The following VKORC1L1 variants were observed in gnomAD, a reference collection of about 807,000 sequenced individuals.
The protein encoded by VKORC1L1 is vitamin K epoxide reductase complex subunit 1L1.
Under a neutral mutation model 18.9 loss-of-function variants are expected in VKORC1L1, and 2 were observed. That is an observed-to-expected ratio of 0.11 (90% CI 0.04 to 0.33). VKORC1L1 has a LOEUF of 0.33. Ranked by LOEUF, VKORC1L1 falls within the 10% of genes least tolerant of loss-of-function variation. The pLI is 1.00. For missense variants in VKORC1L1, 123 were observed against 224.1 expected (o/e 0.55, Z 2.88); for synonymous variants, 96 against 100.0 (o/e 0.96, Z 0.24).
At chr7:65,895,500 TATATATATATATATATAC>T (rs1272758990) in intron 1 of VKORC1L1, among the ~76,000 whole-genome samples, 10 of 99,370 alleles carry the variant, frequency 1.0e-4, no homozygotes, top group African/African-American at 2.5e-4. Context: ...TATATATATA[TATATATATATATATATAC>T]ACACACACAC....
intron 1 of VKORC1L1, among the ~76,000 whole-genome samples, chr7:65,877,101 T>C (rs1016372088): frequency 6.6e-6 from 1 of 152,226 alleles, no homozygotes; most frequent in Non-Finnish European, 1.5e-5. Flanking sequence ...CGATGAAAAG[T>C]GATACATGTA....
chr7:65,892,586 T>A (rs1457473258), intron 1 of VKORC1L1, among the ~76,000 whole-genome samples: 2 of 152,244 alleles, frequency 1.3e-5, no homozygotes, highest in African/African-American at 4.8e-5. Flanking sequence ...GGTGTGAAGA[T>A]AATCTACATT....
chr7:65,927,449 A>G (rs1010298946), intron 1 of VKORC1L1, among the ~76,000 whole-genome samples: 2 of 152,194 alleles, frequency 1.3e-5, no homozygotes, highest in East Asian at 1.9e-4. Flanking sequence ...ATGTCAACCA[A>G]TAACCTCTTG....
chr7:65,876,316 A>G (rs1788826207), intron 1 of VKORC1L1, among the ~76,000 whole-genome samples: 1 of 152,176 alleles, frequency 6.6e-6, no homozygotes, highest in Non-Finnish European at 1.5e-5. Context: ...CAGCCTGGCC[A>G]ACATGCTGAA....
At chr7:65,880,706 G>T (rs1343203253) in intron 1 of VKORC1L1, among the ~76,000 whole-genome samples, 2 of 152,152 alleles carry the variant, frequency 1.3e-5, no homozygotes, top group African/African-American at 2.4e-5. Flanking sequence ...AACTTGAAAG[G>T]GTAGCAAACT....
intron 1 of VKORC1L1, among the ~76,000 whole-genome samples, chr7:65,901,663 TG>T (rs1231451735): frequency 6.6e-6 from 1 of 151,768 alleles, no homozygotes; most frequent in East Asian, 1.9e-4. Flanking sequence ...GAGGACAAGA[TG>T]GGGGTTGGCG....
rs146134975 is a variant in VKORC1L1, at chr7:65,944,627, C to A, written c.195-4044C>A. 1.6e-3 allele frequency among the ~76,000 whole-genome samples: 235 copies of A among 151,270 alleles called. 1 individual carries two copies. Among genetic ancestry groups the A allele is most frequent in the African/African-American group, 5.5e-3 (228 of 41,206 alleles). ...TATAATTTTTTTTTTTAAGAAAAAG[C>A]AATATTTGGCTGGCCACAGTAACTC... On this transcript the variant is annotated intron_variant, in intron 1 of 2. Coordinates refer to ENST00000360768, the MANE Select transcript of VKORC1L1 (RefSeq NM_173517.6).
At chr7:65,894,985 G>A (rs1394314547) in intron 1 of VKORC1L1, among the ~76,000 whole-genome samples, 1 of 152,164 alleles carries the variant, frequency 6.6e-6, no homozygotes, top group Non-Finnish European at 1.5e-5. Flanking sequence ...TTGAATAAAT[G>A]CTAAAACATA....
At chr7:65,936,374 G>A (rs973542118) in intron 1 of VKORC1L1, among the ~76,000 whole-genome samples, 2 of 152,102 alleles carry the variant, frequency 1.3e-5, no homozygotes, top group Non-Finnish European at 1.5e-5. Context: ...CATCGTCAGT[G>A]TATTTTGAAG....
chr7:65,942,513 CTT>C (rs1239778354), intron 1 of VKORC1L1, among the ~76,000 whole-genome samples: 2 of 141,794 alleles, frequency 1.4e-5, no homozygotes, highest in African/African-American at 5.1e-5. Context: ...AAAAAAAAGA[CTT>C]GTTGAATTTT....
intron 1 of VKORC1L1, among the ~76,000 whole-genome samples, chr7:65,905,056 T>A (rs1174385346): frequency 6.6e-6 from 1 of 152,196 alleles, no homozygotes; most frequent in East Asian, 1.9e-4. Context: ...TATATACACC[T>A]ACATACATAC....
intron 1 of VKORC1L1, among the ~76,000 whole-genome samples, chr7:65,947,108 C>G (rs1790132267): frequency 6.6e-6 from 1 of 151,954 alleles, no homozygotes; most frequent in Non-Finnish European, 1.5e-5. Context: ...TGCACTGTAG[C>G]CTGGGCAACA....
chr7:65,891,988 GGGTTC>G (rs1789117436), intron 1 of VKORC1L1, among the ~76,000 whole-genome samples: 1 of 152,028 alleles, frequency 6.6e-6, no homozygotes, highest in East Asian at 1.9e-4. Context: ...CTGTCTACAT[GGGTTC>G]AATTTTTTTT....
intron 1 of VKORC1L1, among the ~76,000 whole-genome samples, chr7:65,945,710 T>C (rs1790110141): frequency 6.6e-6 from 1 of 152,164 alleles, no homozygotes; most frequent in African/African-American, 2.4e-5. Context: ...ATCTCTGTAT[T>C]AGAAGGCTTT....
chr7:65,908,441 G>A (rs748237513), intron 1 of VKORC1L1, among the ~76,000 whole-genome samples: 2 of 152,024 alleles, frequency 1.3e-5, no homozygotes, highest in African/African-American at 2.4e-5. Flanking sequence ...ATTTATTCAA[G>A]ATTATTTATC....
intron 1 of VKORC1L1, among the ~76,000 whole-genome samples, chr7:65,900,365 A>G (rs1332951404): frequency 3.3e-5 from 5 of 151,580 alleles, no homozygotes; most frequent in Admixed American, 2.6e-4. Flanking sequence ...ACTGCACTCC[A>G]GCCTGGGTGA....
chr7:65,889,012 TTCTTAC>T (rs1789065577), intron 1 of VKORC1L1, among the ~76,000 whole-genome samples: 1 of 152,012 alleles, frequency 6.6e-6, no homozygotes, highest in African/African-American at 2.4e-5. Flanking sequence ...AGGGAGTGAC[TTCTTAC>T]TCTTGAGACG....
In VKORC1L1 at chr7:65,954,174, G is replaced by A; in HGVS notation, c.405G>A (p.Leu135=). The change falls in exon 3 of 3, where the codon CTG becomes CTA. Residue 135 remains leucine, a synonymous_variant. Coordinates refer to ENST00000360768, the MANE Select transcript of VKORC1L1 (RefSeq NM_173517.6). ...TGGCCTACATTCTGTACTTTGTGCT[G>A]AAGGAGTTCTGCATCATCTGCATCG... ...LYLAYILYFV[L]KEFCIICIVT... is the part of the protein sequence containing the mutation. 2 of 1,614,104 alleles carry A rather than the reference G, an allele frequency of 1.2e-6. No individual in the cohort carries two copies. The highest frequency in any genetic ancestry group is 8.5e-7 in the Non-Finnish European group (1 of 1,180,016).
rs1790333399 is a variant in VKORC1L1, at chr7:65,958,169, T to C, written c.*3869T>C. 6.6e-6 allele frequency: 1 copy of C among 152,204 alleles called. No individual in the cohort carries two copies. Among genetic ancestry groups the C allele is most frequent in the Non-Finnish European group, 1.5e-5 (1 of 68,040 alleles). 9.4% of individuals were successfully genotyped at this position (152,204 alleles called of 1,614,324 possible). On this transcript the variant is annotated 3_prime_UTR_variant, in exon 3 of 3. Transcript: ENST00000360768. ...TCTAATTGTGAGAACTACCCTTCCA[T>C]CAAACAAAAAGGGCAAGGGTGGGAG...
Sources: gnomAD v4.1 joint callset for allele counts (sites outside exome capture counted in the v4.1 genomes callset) on GRCh38, gnomAD v4.1.1 for gene constraint, MANE v1.5 for transcripts, NCBI Gene and HGNC (gene_info 2026-07-23, HGNC 2026-07-21) for gene names.